The following DNAH9 variants were observed in gnomAD, a reference collection of about 807,000 sequenced individuals.
The protein encoded by DNAH9 is DNAH9 variant protein.
Under a neutral mutation model 471.6 loss-of-function variants are expected in DNAH9, and 345 were observed. The ratio of observed to expected loss-of-function variants is 0.73; its 90% CI spans 0.67 to 0.80. DNAH9 has a LOEUF of 0.80. DNAH9 is among the 30% of genes least tolerant of loss of function. The pLI is 0.00. For missense variants in DNAH9, 5,407 were observed against 5,609.2 expected (o/e 0.96, Z 1.15); for synonymous variants, 2,093 against 2,123.6 (o/e 0.99, Z 0.40).
intron 55 of DNAH9, among the ~76,000 whole-genome samples, chr17:11,882,449 A>G (rs1972759285): frequency 6.6e-6 from 1 of 152,182 alleles, no homozygotes; most frequent in Admixed American, 6.5e-5. Context: ...ATTATACAAT[A>G]TGGCGGGGTC....
At chr17:11,916,546 G>A (rs1292609702) in intron 61 of DNAH9, among the ~76,000 whole-genome samples, 2 of 152,204 alleles carry the variant, frequency 1.3e-5, no homozygotes, top group Admixed American at 6.5e-5. Context: ...CTAGTCTCAA[G>A]TCTGGAATCC....
intron 68 of DNAH9, among the ~76,000 whole-genome samples, chr17:11,967,927 C>A (rs1484261482): frequency 1.3e-5 from 2 of 152,094 alleles, no homozygotes; most frequent in Non-Finnish European, 2.9e-5. Flanking sequence ...CAAGAAGATA[C>A]AATTGTAAAT....
chr17:11,791,647 G>C (rs1257378572), intron 41 of DNAH9, among the ~76,000 whole-genome samples: 1 of 152,102 alleles, frequency 6.6e-6, no homozygotes. Flanking sequence ...GGAGGTGGAG[G>C]CTGCCGCGAG....
At chr17:11,901,683 G>A (rs56362044) in intron 59 of DNAH9, among the ~76,000 whole-genome samples, 10,854 of 152,188 alleles carry the variant, frequency 0.071, 443 homozygotes, top group East Asian at 0.2. Context: ...GCAACAGAGC[G>A]ACACTCCGTC....
intron 68 of DNAH9, among the ~76,000 whole-genome samples, chr17:11,963,935 G>A (rs1976467823): frequency 6.6e-6 from 1 of 152,176 alleles, no homozygotes; most frequent in Admixed American, 6.5e-5. Context: ...AGGAATTCCA[G>A]GGATTACCAG....
intron 22 of DNAH9, among the ~76,000 whole-genome samples, 173 bp downstream of exon 22, chr17:11,694,620 T>TGCTTTC (rs1436624657): frequency 1.8e-4 from 1 of 5,692 alleles, no homozygotes; most frequent in African/African-American, 2.0e-4. Flanking sequence ...CTTTCTTGCT[T>TGCTTTC]TCTTGCTTTC....
intron 32 of DNAH9, among the ~76,000 whole-genome samples, chr17:11,748,072 A>G (rs1966967038): frequency 7.3e-6 from 1 of 136,248 alleles, no homozygotes; most frequent in African/African-American, 2.7e-5. Context: ...TGGGAAGCGG[A>G]GGTGGGTGGA....
intron 6 of DNAH9, among the ~76,000 whole-genome samples, chr17:11,622,307 C>T (rs1263192769): frequency 2.6e-5 from 4 of 152,168 alleles, no homozygotes; most frequent in Admixed American, 2.0e-4. Flanking sequence ...ACCTTAAACC[C>T]TTCATCAGGA....
intron 45 of DNAH9, among the ~76,000 whole-genome samples, chr17:11,815,199 G>GTTTT (rs11429811): frequency 1.3e-5 from 2 of 148,264 alleles, no homozygotes; most frequent in Non-Finnish European, 3.0e-5. Context: ...GTAATAAACT[G>GTTTT]TTTTTTTTTT....
At chr17:11,762,485 T>C (rs1011960889) in intron 35 of DNAH9, among the ~76,000 whole-genome samples, 1 of 152,222 alleles carries the variant, frequency 6.6e-6, no homozygotes, top group African/African-American at 2.4e-5. Flanking sequence ...CATCTCTTGA[T>C]ATCTGCCTTT....
chr17:11,927,415 TGTTGA>T (rs986511761), intron 62 of DNAH9, among the ~76,000 whole-genome samples: 2 of 152,224 alleles, frequency 1.3e-5, no homozygotes, highest in Non-Finnish European at 2.9e-5. Context: ...CTTTAATCTG[TGTTGA>T]GTTAATTTTT....
At chr17:11,815,497 T>G (rs1251473288) in intron 45 of DNAH9, among the ~76,000 whole-genome samples, 1 of 152,118 alleles carries the variant, frequency 6.6e-6, no homozygotes, top group Non-Finnish European at 1.5e-5. Flanking sequence ...CTATCTCAAC[T>G]ATAATTCCTG....
In DNAH9 at chr17:11,823,012, A is replaced by C; in HGVS notation, c.9224A>C (p.Lys3075Thr). The change falls in exon 48 of 69, where the codon AAG (lysine) becomes ACG (threonine). Residue 3075 changes from lysine to threonine, a missense_variant. This residue lies in a region of DNAH9 where 4,636 missense variants were observed against 4,900.3 expected (regional missense o/e 0.95). Coordinates refer to ENST00000262442, the MANE Select transcript of DNAH9 (RefSeq NM_001372.4). Reference sequence around the variant, plus strand: ...GAGCGGTTGGAGAACGGGCTGCTGAAGCTGCATAGCACCTCTGCCCAGGTG... The same window carrying C: ...GAGCGGTTGGAGAACGGGCTGCTGACGCTGCATAGCACCTCTGCCCAGGTG... ...KTERLENGLL[K>T]LHSTSAQVDD... 1 of 1,613,820 alleles carries C rather than the reference A, an allele frequency of 6.2e-7. No individual in the cohort carries two copies. Among genetic ancestry groups the C allele is most frequent in the Non-Finnish European group, 8.5e-7 (1 of 1,179,860 alleles).
Position 11,598,759 on chromosome 17 carries a change from G to A in DNAH9, c.261G>A (p.Leu87=), listed in dbSNP as rs11867625. 1.5e-3 allele frequency: 2,165 copies of A among 1,439,164 alleles called. 38 individuals are homozygous for A. In the African/African-American group the frequency reaches 0.029, roughly 19 times the overall value. 89.1% of individuals were successfully genotyped at this position (1,439,164 alleles called of 1,614,324 possible). A position where few individuals can be genotyped will look rare whatever the true frequency, so the allele number is the denominator to read the frequency against. The change falls in exon 1 of 69, where the codon CTG becomes CTA. Residue 87 remains leucine, a synonymous_variant. Coordinates refer to ENST00000262442, the MANE Select transcript of DNAH9 (RefSeq NM_001372.4). The part of the protein sequence containing the change: ...GPRGLAIRPG[L]EVGPESGLAG... Reference sequence around the variant, plus strand: ...GGGGCCTGGCAATACGCCCCGGGCTGGAGGTGGGACCTGAGTCGGGCCTGG... The same window carrying A: ...GGGGCCTGGCAATACGCCCCGGGCTAGAGGTGGGACCTGAGTCGGGCCTGG...
At chr17:11,787,854 T>G (rs754728509) in intron 41 of DNAH9, among the ~76,000 whole-genome samples, 1 of 152,158 alleles carries the variant, frequency 6.6e-6, no homozygotes, top group Non-Finnish European at 1.5e-5. Flanking sequence ...CATTTTCTCT[T>G]GCCACCACCA....
chr17:11,859,813 G>T (rs1437268163), intron 50 of DNAH9, among the ~76,000 whole-genome samples: 1 of 152,142 alleles, frequency 6.6e-6, no homozygotes, highest in African/African-American at 2.4e-5. Context: ...ACCAGCAAGG[G>T]AATGATGCGA....
intron 52 of DNAH9, 55 bp downstream of exon 52, chr17:11,871,841 A>G (rs1972277102): frequency 6.3e-7 from 1 of 1,577,390 alleles, no homozygotes; most frequent in Admixed American, 1.7e-5. Context: ...ACCAATGGGA[A>G]GACATCACGG....
intron 23 of DNAH9, 121 bp downstream of exon 23, chr17:11,700,004 C>G: frequency 2.2e-6 from 2 of 924,114 alleles, no homozygotes; most frequent in Middle Eastern, 3.4e-4. Context: ...CTGTCCATGC[C>G]CTCCAAGAGC....
At chr17:11,939,700 T>A (rs182726939) in intron 66 of DNAH9, among the ~76,000 whole-genome samples, 16 of 152,318 alleles carry the variant, frequency 1.1e-4, no homozygotes, top group Non-Finnish European at 2.4e-4. Flanking sequence ...ACTCATGAAC[T>A]CTTGACTCAA....
Sources: allele counts gnomAD v4.1 joint callset (sites outside exome capture counted in the v4.1 genomes callset), GRCh38; gene constraint gnomAD v4.1.1; regional missense constraint gnomAD v4.1.1; transcripts MANE v1.5; gene names NCBI Gene and HGNC (gene_info 2026-07-23, HGNC 2026-07-21).